Variants in DNAH3 observed in about 807,000 individuals in gnomAD.
DNAH3 encodes the protein axonemal beta dynein heavy chain 3.
In DNAH3, 332 loss-of-function variants were observed where a neutral mutation model predicts 432.5. The ratio of observed to expected loss-of-function variants is 0.77; its 90% CI spans 0.70 to 0.84. DNAH3 has a LOEUF of 0.84. Ranked by LOEUF, DNAH3 falls within the 40% of genes least tolerant of loss-of-function variation. The probability of loss-of-function intolerance (pLI) is 0.00; values close to 1 mark genes in which losing one functional copy is unlikely to be tolerated. For synonymous variants in DNAH3, 1,956 were observed against 1,900.2 expected, an observed-to-expected ratio of 1.03 and a Z score of -0.76; for missense variants, 4,861 against 5,114.0, an observed-to-expected ratio of 0.95 and a Z score of 1.51.
chr16:20,991,713 T>G lies in DNAH3; in HGVS notation c.6602-3648A>C, dbSNP rs1434112677. Among the ~76,000 whole-genome samples the G allele has an allele frequency of 3.9e-5, 6 of 152,330 alleles. No individual in the cohort carries two copies. The East Asian group carries it at 5.8e-4, about 15-fold the overall frequency. On this transcript the variant is annotated intron_variant, in intron 44 of 61. Coordinates refer to ENST00000261383, the Ensembl canonical transcript of DNAH3. ...TTGATTACATACTTATGATGCAGTTTATCACGTTCCTCTGTCCTCTGTATT... is the reference window on the plus strand; with the variant it reads ...TTGATTACATACTTATGATGCAGTTGATCACGTTCCTCTGTCCTCTGTATT...
intron 41 of DNAH3, among the ~76,000 whole-genome samples, chr16:21,009,058 T>A (rs2152699700): frequency 6.6e-6 from 1 of 152,346 alleles, no homozygotes; most frequent in Admixed American, 6.5e-5. Context: ...GAATGTTCTC[T>A]AAGTCAGAAA....
chr16:21,159,374 C>A lies in DNAH3; in HGVS notation c.68G>T (p.Arg23Leu). ...TCCTTGGGTCTCCCTGGCTTTTGAA[C>A]GCTGAAAGGCTGGGCCCGGATGGGG... Residue 23 changes from arginine (R) to leucine (L), a missense_variant, in exon 1 of 62, where the codon CGT (arginine) becomes CTT (leucine). By Grantham distance (102) the Arg-to-Leu change is moderately radical. Coordinates refer to ENST00000261383, the Ensembl canonical transcript of DNAH3. 6.2e-7 allele frequency: 1 copy of A among 1,614,144 alleles called. No homozygotes were observed. Among genetic ancestry groups the A allele is most frequent in the South Asian group, 1.1e-5 (1 of 91,076 alleles).
At chr16:21,153,831 A>G (rs1318769741) in intron 1 of DNAH3, among the ~76,000 whole-genome samples, 1 of 152,188 alleles carries the variant, frequency 6.6e-6, no homozygotes, top group Non-Finnish European at 1.5e-5. Flanking sequence ...TCCAGACACA[A>G]TAGAACCAAG....
At chr16:21,033,054 A>C (rs1013524910) in intron 36 of DNAH3, among the ~76,000 whole-genome samples, 2 of 151,942 alleles carry the variant, frequency 1.3e-5, no homozygotes, top group African/African-American at 2.4e-5. Context: ...GCAGCCACAA[A>C]CTCCTGAGCT....
At chr16:20,965,801 C>T (rs764083995) in intron 52 of DNAH3, among the ~76,000 whole-genome samples, 10 of 152,106 alleles carry the variant, frequency 6.6e-5, no homozygotes, top group Non-Finnish European at 1.5e-5. Flanking sequence ...CAACCTTCGC[C>T]TCCTGGGTTC....
At chr16:21,077,517 C>G (rs60936540) in intron 20 of DNAH3, among the ~76,000 whole-genome samples, 13,215 of 152,172 alleles carry the variant, frequency 0.087, 763 homozygotes, top group South Asian at 0.18. Flanking sequence ...TGTGATGGCT[C>G]TTGCTCTACT....
chr16:21,091,255 T>C (rs1374821684), intron 18 of DNAH3, among the ~76,000 whole-genome samples: 1 of 152,086 alleles, frequency 6.6e-6, no homozygotes, highest in African/African-American at 2.4e-5. Flanking sequence ...AGGGTGTGGA[T>C]ATGTTAATTA....
intron 53 of DNAH3, among the ~76,000 whole-genome samples, chr16:20,963,005 A>T (rs1387849327): frequency 6.6e-6 from 1 of 151,436 alleles, no homozygotes; most frequent in African/African-American, 2.4e-5. Flanking sequence ...TTATCAAGAT[A>T]CAAAAGTGGG....
At chr16:20,934,232 A>G (rs1286915565) in intron 61 of DNAH3, among the ~76,000 whole-genome samples, 2 of 152,230 alleles carry the variant, frequency 1.3e-5, no homozygotes, top group Non-Finnish European at 2.9e-5. Flanking sequence ...TCTAATTCTA[A>G]GTATATATTG....
chr16:21,008,966 G>A (rs1449846067), intron 41 of DNAH3, among the ~76,000 whole-genome samples: 3 of 152,078 alleles, frequency 2.0e-5, no homozygotes, highest in East Asian at 1.9e-4. Context: ...GTTATTCTAC[G>A]TCACTCTGCA....
At chr16:21,023,080 T>C (rs2088336295) in intron 39 of DNAH3, among the ~76,000 whole-genome samples, 1 of 152,200 alleles carries the variant, frequency 6.6e-6, no homozygotes, top group African/African-American at 2.4e-5. Context: ...ACTTTCCCTA[T>C]ACACATTTTT....
At chr16:21,007,115 T>G (rs746211953) in intron 41 of DNAH3, among the ~76,000 whole-genome samples, 13 of 152,176 alleles carry the variant, frequency 8.5e-5, no homozygotes, top group Admixed American at 3.9e-4. Context: ...TCCTAGTTAT[T>G]GTAAAGTAAG....
intron 53 of DNAH3, among the ~76,000 whole-genome samples, chr16:20,959,824 T>C (rs967040284): frequency 6.6e-6 from 1 of 152,046 alleles, no homozygotes; most frequent in Admixed American, 6.6e-5. Flanking sequence ...ATAGACATTC[T>C]TGATAAAAAA....
At chr16:21,021,678 G>A (rs1395147586) in intron 40 of DNAH3, among the ~76,000 whole-genome samples, 2 of 152,108 alleles carry the variant, frequency 1.3e-5, no homozygotes, top group Non-Finnish European at 2.9e-5. Context: ...GGGAGGCAGA[G>A]GCAGGTGGAA....
At chr16:20,974,561 A>G (rs1199334835) in intron 51 of DNAH3, among the ~76,000 whole-genome samples, 1 of 135,076 alleles carries the variant, frequency 7.4e-6, no homozygotes, top group Non-Finnish European at 1.6e-5. Context: ...GTGCCACTAC[A>G]CCTGGCTGTT....
At chr16:21,140,645 G>T in exon 5 of DNAH3, 1 of 1,614,088 alleles carries the variant, frequency 6.2e-7, no homozygotes, top group Non-Finnish European at 8.5e-7. Context: ...TCCTGGGAAC[G>T]TCAAAGATGT....
Position 20,980,566 on chromosome 16 carries a change from G to A in DNAH3, c.7860-1020C>T, listed in dbSNP as rs932885064. ...CTTCTGCACTTTTAGTAGAGATGGT[G>A]GGGGGTGGGGTAGGGGTTGCTATGT... is the stretch of plus-strand genomic sequence containing the variant. On this transcript the variant is annotated intron_variant, in intron 49 of 61. Coordinates refer to ENST00000261383, the Ensembl canonical transcript of DNAH3. 7.3e-5 allele frequency among the ~76,000 whole-genome samples: 11 copies of A among 151,402 alleles called. No homozygotes were observed. The East Asian group carries it at 1.4e-3, about 19-fold the overall frequency.
intron 10 of DNAH3, among the ~76,000 whole-genome samples, chr16:21,121,262 C>T (rs2092334188): frequency 6.6e-6 from 1 of 152,110 alleles, no homozygotes; most frequent in Non-Finnish European, 1.5e-5. Context: ...TGTGCATGAT[C>T]CTGTCTAGTA....
At chr16:20,962,408 T>TC (rs1433697421) in intron 53 of DNAH3, among the ~76,000 whole-genome samples, 5 of 152,102 alleles carry the variant, frequency 3.3e-5, no homozygotes. Context: ...TTCTTTAAAC[T>TC]CCCCAGGTGA....
Sources: allele counts gnomAD v4.1 joint callset (sites outside exome capture counted in the v4.1 genomes callset), GRCh38; gene constraint gnomAD v4.1.1; transcripts MANE v1.5; gene names NCBI Gene and HGNC (gene_info 2026-07-23, HGNC 2026-07-21).